KCNMA1: variants seen among roughly 807,000 people sequenced by gnomAD.
The protein encoded by KCNMA1 is Calcium-activated potassium channel subunit alpha-1.
Under a neutral mutation model 140.0 loss-of-function variants are expected in KCNMA1, and 29 were observed. The ratio of observed to expected loss-of-function variants is 0.21; its 90% CI spans 0.15 to 0.28. The LOEUF is 0.28. KCNMA1 is among the 10% of genes least tolerant of loss of function. The pLI, the probability that KCNMA1 is intolerant of heterozygous loss-of-function variation, is 1.00. For missense variants in KCNMA1, 880 were observed against 1,602.2 expected, an observed-to-expected ratio of 0.55 and a Z score of 7.70; for synonymous variants, 612 against 611.9, an observed-to-expected ratio of 1.00 and a Z score of 0.00.
intron 2 of KCNMA1, among the ~76,000 whole-genome samples, chr10:77,321,838 T>G (rs918443432): frequency 3.3e-5 from 5 of 152,204 alleles, no homozygotes; most frequent in Non-Finnish European, 7.3e-5. Flanking sequence ...TCTAGTTCCA[T>G]TCAGTTTTTA....
At chr10:77,370,235 C>G (rs1378924159) in intron 2 of KCNMA1, among the ~76,000 whole-genome samples, 1 of 152,158 alleles carries the variant, frequency 6.6e-6, no homozygotes, top group Non-Finnish European at 1.5e-5. Flanking sequence ...TAATATTTCT[C>G]TTTAAAGTTG....
At chr10:77,471,951 C>T (rs574458727) in intron 1 of KCNMA1, among the ~76,000 whole-genome samples, 2 of 150,710 alleles carry the variant, frequency 1.3e-5, no homozygotes, top group East Asian at 3.9e-4. Context: ...ATACACCATA[C>T]ATACACCACA....
At chr10:77,618,287 T>C (rs1248449955) in intron 1 of KCNMA1, among the ~76,000 whole-genome samples, 2 of 152,180 alleles carry the variant, frequency 1.3e-5, no homozygotes, top group African/African-American at 4.8e-5. Context: ...GTCATTGACA[T>C]GTTGACCTCT....
chr10:77,293,749 G>A (rs969265711), intron 2 of KCNMA1, among the ~76,000 whole-genome samples: 3 of 152,224 alleles, frequency 2.0e-5, no homozygotes, highest in African/African-American at 7.2e-5. Flanking sequence ...TCCTCAAAGT[G>A]ACAAATGTAT....
chr10:77,623,979 C>G (rs978232575), intron 1 of KCNMA1, among the ~76,000 whole-genome samples: 1 of 152,170 alleles, frequency 6.6e-6, no homozygotes, highest in Non-Finnish European at 1.5e-5. Flanking sequence ...CCAGTAAGTT[C>G]TGATGTGCTG....
chr10:76,922,843 AG>A (rs2056373979), intron 23 of KCNMA1, among the ~76,000 whole-genome samples: 1 of 152,220 alleles, frequency 6.6e-6, no homozygotes, highest in Non-Finnish European at 1.5e-5. Flanking sequence ...ACAACAACTG[AG>A]AAAAATCTCC....
At chr10:77,379,760 A>G (rs1036692342) in intron 2 of KCNMA1, among the ~76,000 whole-genome samples, 3 of 152,134 alleles carry the variant, frequency 2.0e-5, no homozygotes, top group African/African-American at 7.2e-5. Flanking sequence ...AATCACATCA[A>G]GACTATATCC....
downstream of KCNMA1, among the ~76,000 whole-genome samples, chr10:76,879,875 G>T (rs1354066046): frequency 6.6e-6 from 1 of 152,198 alleles, no homozygotes; most frequent in Non-Finnish European, 1.5e-5. Context: ...TAAAAGCTTT[G>T]CCAGGCCGCT....
intron 2 of KCNMA1, among the ~76,000 whole-genome samples, chr10:77,402,861 G>A (rs1470226505): frequency 6.6e-6 from 1 of 152,124 alleles, no homozygotes; most frequent in Admixed American, 6.6e-5. Context: ...TTCATGCCAG[G>A]ACAGGTGGCC....
At chr10:76,908,848 T>C (rs1288247932) in intron 25 of KCNMA1, among the ~76,000 whole-genome samples, 6 of 152,246 alleles carry the variant, frequency 3.9e-5, no homozygotes, top group Middle Eastern at 3.2e-3. Context: ...TAAATAAAGA[T>C]GCTCAGTGGG....
intron 9 of KCNMA1, among the ~76,000 whole-genome samples, chr10:77,100,193 T>A (rs1369578619): frequency 6.6e-6 from 1 of 152,064 alleles, no homozygotes; most frequent in African/African-American, 2.4e-5. Flanking sequence ...CAGCACATGG[T>A]GGGGATTCAA....
intron 2 of KCNMA1, among the ~76,000 whole-genome samples, chr10:77,331,323 A>G (rs1043403096): frequency 6.6e-6 from 1 of 152,290 alleles, no homozygotes; most frequent in African/African-American, 2.4e-5. Flanking sequence ...AAAGTGCTTT[A>G]TGATATATGG....
intron 5 of KCNMA1, among the ~76,000 whole-genome samples, chr10:77,166,608 G>A (rs1037087810): frequency 2.6e-5 from 4 of 151,978 alleles, no homozygotes; most frequent in African/African-American, 7.3e-5. Context: ...AGGACATGGA[G>A]GAGGGAAAAG....
intron 1 of KCNMA1, among the ~76,000 whole-genome samples, chr10:77,550,008 C>T (rs2062379526): frequency 6.6e-6 from 1 of 152,154 alleles, no homozygotes; most frequent in East Asian, 1.9e-4. Flanking sequence ...GAGCAGGATG[C>T]TAAGAAGGGA....
intron 17 of KCNMA1, chr10:77,012,650 C>G: frequency 4.0e-6 from 4 of 1,007,758 alleles, no homozygotes; most frequent in Non-Finnish European, 4.5e-6. Context: ...CCAAAGCTGA[C>G]TGGACCAATT....
intron 3 of KCNMA1, among the ~76,000 whole-genome samples, chr10:77,189,809 C>A (rs1015770426): frequency 1.3e-5 from 2 of 152,112 alleles, no homozygotes; most frequent in African/African-American, 4.8e-5. Flanking sequence ...TGAGTCAATG[C>A]AATAAGCCTA....
At chr10:77,005,035 G>A (rs1873691) in intron 18 of KCNMA1, among the ~76,000 whole-genome samples, 71,036 of 151,978 alleles carry the variant, frequency 0.47, 16,729 homozygotes, top group Middle Eastern at 0.56. Flanking sequence ...TCTTTCTTAC[G>A]TAGTCACCCA....
At chr10:77,057,127 T>C (rs1565823456) in intron 14 of KCNMA1, among the ~76,000 whole-genome samples, 1 of 151,990 alleles carries the variant, frequency 6.6e-6, no homozygotes, top group Non-Finnish European at 1.5e-5. Flanking sequence ...CTAGACACAT[T>C]GTAAGCAAAC....
At chr10:77,134,997 CAAA>C (rs71028253) in intron 5 of KCNMA1, among the ~76,000 whole-genome samples, 163 of 11,698 alleles carry the variant, frequency 0.014, no homozygotes, top group African/African-American at 0.036. Flanking sequence ...GACTCTGTCT[CAAA>C]AAAAAAAAAA....
Sources: allele counts gnomAD v4.1 joint callset (sites outside exome capture counted in the v4.1 genomes callset), GRCh38; gene constraint gnomAD v4.1.1; transcripts MANE v1.5; gene names NCBI Gene and HGNC (gene_info 2026-07-23, HGNC 2026-07-21).